The following ZFR variants were observed in gnomAD, a reference collection of about 807,000 sequenced individuals.
ZFR encodes zinc finger RNA-binding protein.
A neutral mutation model predicts 130.7 loss-of-function variants in ZFR; 19 were observed. That is an observed-to-expected ratio of 0.15 (90% CI 0.10 to 0.21). ZFR has a LOEUF of 0.21. Ranked by LOEUF, ZFR falls within the 10% of genes least tolerant of loss-of-function variation. The pLI is 1.00. For synonymous variants in ZFR, 466 were observed against 456.9 expected (o/e 1.02, Z -0.25); for missense variants, 872 against 1,321.5 (o/e 0.66, Z 5.27).
At chr5:32,387,880 A>AT (rs1753074779) in intron 13 of ZFR, among the ~76,000 whole-genome samples, 181 bp from the exon 14 acceptor site, 1 of 152,192 alleles carries the variant, frequency 6.6e-6, no homozygotes, top group Non-Finnish European at 1.5e-5. Context: ...ATAAAAAAAA[A>AT]AAATAATAAA....
intron 15 of ZFR, among the ~76,000 whole-genome samples, chr5:32,381,702 T>C (rs957137917): frequency 6.6e-6 from 1 of 152,168 alleles, no homozygotes; most frequent in African/African-American, 2.4e-5. Context: ...TAGAGAATTC[T>C]ATTCTCTAAG....
At chr5:32,422,330 T>C (rs1000131702) in intron 2 of ZFR, among the ~76,000 whole-genome samples, 2 of 152,170 alleles carry the variant, frequency 1.3e-5, no homozygotes, top group African/African-American at 4.8e-5. Context: ...CTCCTACATG[T>C]CTCAGTTTGA....
At chr5:32,437,029 G>A (rs888782174) in intron 2 of ZFR, among the ~76,000 whole-genome samples, 39 of 152,228 alleles carry the variant, frequency 2.6e-4, no homozygotes, top group African/African-American at 9.2e-4. Flanking sequence ...GGAGGAGCCA[G>A]ATTCAGCTTA....
At chr5:32,390,538 T>A in intron 11 of ZFR, 101 bp from the exon 12 acceptor site, 1 of 1,150,956 alleles carries the variant, frequency 8.7e-7, no homozygotes, top group Non-Finnish European at 1.2e-6. Flanking sequence ...CCCACCAACA[T>A]CAGCCTAGCT....
At chr5:32,358,572 G>A (rs186331732) in intron 19 of ZFR, among the ~76,000 whole-genome samples, 1 of 152,160 alleles carries the variant, frequency 6.6e-6, no homozygotes, top group Admixed American at 6.5e-5. Flanking sequence ...AGGCAGAATG[G>A]CATGAACCCC....
Position 32,379,225 on chromosome 5 carries a change from A to G in ZFR, c.2740-15T>C, listed in dbSNP as rs1414057570. On this transcript the variant is annotated splice_polypyrimidine_tract_variant and intron_variant, in intron 16 of 19. Transcript: ENST00000265069. ...TTAGCTCTAGCCTTGAGAGCAACAT[A>G]AAAACCAATTGAATTAATCTTAGAA... 6.2e-7 allele frequency: 1 copy of G among 1,603,008 alleles called. No homozygotes were observed. The highest frequency in any genetic ancestry group is 1.3e-5 in the African/African-American group (1 of 74,654).
At chr5:32,415,264 G>T in intron 4 of ZFR, 77 bp from the exon 5 acceptor site, 1 of 1,270,804 alleles carries the variant, frequency 7.9e-7, no homozygotes, top group Non-Finnish European at 1.1e-6. Flanking sequence ...TTAAAAAGCT[G>T]GAAAGAATAG....
At chr5:32,368,354 G>A (rs1468646791) in intron 17 of ZFR, among the ~76,000 whole-genome samples, 1 of 152,126 alleles carries the variant, frequency 6.6e-6, no homozygotes, top group Non-Finnish European at 1.5e-5. Flanking sequence ...TCTTGCCTCC[G>A]CCTCCCAAGT....
intron 15 of ZFR, among the ~76,000 whole-genome samples, chr5:32,380,839 G>A (rs1251275119): frequency 1.3e-5 from 2 of 151,406 alleles, no homozygotes; most frequent in African/African-American, 2.4e-5. Context: ...TAGTAGAGAC[G>A]AAGTTTCACC....
chr5:32,382,347 A>T (rs545636090), intron 15 of ZFR, among the ~76,000 whole-genome samples: 1 of 152,056 alleles, frequency 6.6e-6, no homozygotes, highest in Non-Finnish European at 1.5e-5. Context: ...CACACACACA[A>T]AAAAGAAAAA....
chr5:32,432,008 T>C (rs77631721), intron 2 of ZFR, among the ~76,000 whole-genome samples: 7 of 151,438 alleles, frequency 4.6e-5, no homozygotes, highest in African/African-American at 1.7e-4. Context: ...TTTTTTTTTT[T>C]GGACACAGGG....
At chr5:32,416,601 T>G (rs1232394246) in intron 4 of ZFR, among the ~76,000 whole-genome samples, 2 of 100,182 alleles carry the variant, frequency 2.0e-5, no homozygotes, top group African/African-American at 4.3e-5. Flanking sequence ...GCGACAAGAG[T>G]GAAACTCCGT....
At chr5:32,411,506 T>C (rs1288415731) in intron 5 of ZFR, among the ~76,000 whole-genome samples, 3 of 151,664 alleles carry the variant, frequency 2.0e-5, no homozygotes, top group South Asian at 2.1e-4. Context: ...TTGGCCACCA[T>C]GGTAAAACCC....
chr5:32,399,883 ATTCT>A (rs1240043123), intron 9 of ZFR, 120 bp downstream of exon 9: 2 of 885,184 alleles, frequency 2.3e-6, no homozygotes, highest in Non-Finnish European at 3.2e-6. Context: ...TTCCTTTAAT[ATTCT>A]TTAAGTAAGC....
At chr5:32,379,736 T>C (rs1752895941) in intron 16 of ZFR, 1 of 202,446 alleles carries the variant, frequency 4.9e-6, no homozygotes, top group Non-Finnish European at 1.0e-5. Flanking sequence ...TTCCATTATT[T>C]AAAGCAAAGT....
chr5:32,428,148 T>C (rs958074640), intron 2 of ZFR, among the ~76,000 whole-genome samples: 1 of 152,128 alleles, frequency 6.6e-6, no homozygotes, highest in African/African-American at 2.4e-5. Flanking sequence ...TGTGGCTGAG[T>C]GCAGCGACTC....
rs767100288 is a variant in ZFR, at chr5:32,355,842, CTGT to C, written c.3140_3142del (p.Asn1047del). 6.2e-6 allele frequency: 10 copies of C among 1,610,080 alleles called. No individual in the cohort carries two copies. The highest frequency in any genetic ancestry group is 5.4e-5 in the African/African-American group (4 of 74,536). ...TCCATCACTATCTCTTCTTCGTTTC[CTGT>C]TGTTGTGGATGTTAAAACGTTGGCT... On this transcript the variant is annotated inframe_deletion, in exon 20 of 20. Coordinates refer to ENST00000265069, the MANE Select transcript of ZFR (RefSeq NM_016107.5).
chr5:32,422,445 T>A (rs1753977492), intron 2 of ZFR, among the ~76,000 whole-genome samples: 1 of 152,184 alleles, frequency 6.6e-6, no homozygotes. Flanking sequence ...TGTCTAACTC[T>A]GCTCTGTATA....
At chr5:32,405,927 T>C (rs1389394570) in intron 6 of ZFR, among the ~76,000 whole-genome samples, 1 of 152,154 alleles carries the variant, frequency 6.6e-6, no homozygotes, top group Admixed American at 6.5e-5. Context: ...TAGAGAAAAC[T>C]AATCCAGTAA....
Sources: gnomAD v4.1 joint callset for allele counts (sites outside exome capture counted in the v4.1 genomes callset) on GRCh38, gnomAD v4.1.1 for gene constraint, MANE v1.5 for transcripts, NCBI Gene and HGNC (gene_info 2026-07-23, HGNC 2026-07-21) for gene names.